GLI3: variants seen among roughly 807,000 people sequenced by gnomAD.
The protein encoded by GLI3 is transcription activator GLI3.
GLI3 carries 20 observed loss-of-function variants against 100.8 expected under a neutral mutation model. That is an observed-to-expected ratio of 0.20 (90% confidence interval 0.14 to 0.29). The LOEUF is 0.29. Ranked by LOEUF, GLI3 falls within the 10% of genes least tolerant of loss-of-function variation. The pLI is 1.00. For missense variants in GLI3, 2,040 were observed against 2,128.5 expected (o/e 0.96, Z 0.82); for synonymous variants, 938 against 860.5 (o/e 1.09, Z -1.58).
At chr7:41,978,552 G>A in intron 11 of GLI3, 47 bp downstream of exon 11, 3 of 1,592,648 alleles carry the variant, frequency 1.9e-6, no homozygotes, top group Non-Finnish European at 2.6e-6. Context: ...GCTCTTATGA[G>A]TATGGGGAAG....
At chr7:42,061,185 G>T (rs1411067365) in intron 4 of GLI3, among the ~76,000 whole-genome samples, 1 of 152,132 alleles carries the variant, frequency 6.6e-6, no homozygotes, top group Admixed American at 6.6e-5. Flanking sequence ...TCTTGGGTCT[G>T]GTGGCAGGTG....
chr7:42,039,944 T>C (rs1428358428), intron 7 of GLI3, 94 bp downstream of exon 7: 3 of 924,704 alleles, frequency 3.2e-6, no homozygotes, highest in South Asian at 2.6e-5. Flanking sequence ...TTCTTCCTCA[T>C]AGGCAGTTGG....
At chr7:42,188,697 C>T (rs1358001286) in intron 2 of GLI3, among the ~76,000 whole-genome samples, 2 of 152,078 alleles carry the variant, frequency 1.3e-5, no homozygotes, top group Non-Finnish European at 2.9e-5. Flanking sequence ...CATGAAAAGA[C>T]ATGGAGGAAA....
chr7:42,043,408 G>C (rs1784182783), intron 6 of GLI3, among the ~76,000 whole-genome samples: 6 of 152,162 alleles, frequency 3.9e-5, no homozygotes. Flanking sequence ...CTGTTGAAGG[G>C]AGCTGCTAAA....
At chr7:42,192,989 G>A (rs1254749538) in intron 2 of GLI3, among the ~76,000 whole-genome samples, 1 of 152,168 alleles carries the variant, frequency 6.6e-6, no homozygotes, top group Non-Finnish European at 1.5e-5. Context: ...AAGACTTGAT[G>A]ATTAAGAGAC....
At chr7:42,206,231 G>A (rs1788149306) in intron 2 of GLI3, among the ~76,000 whole-genome samples, 1 of 151,778 alleles carries the variant, frequency 6.6e-6, no homozygotes, top group South Asian at 2.1e-4. Flanking sequence ...TAGCACTACT[G>A]CACCCCAGCC....
chr7:42,025,131 C>T (rs1789072156), intron 9 of GLI3, 133 bp downstream of exon 9: 1 of 673,186 alleles, frequency 1.5e-6, no homozygotes, highest in African/African-American at 1.8e-5. Flanking sequence ...TAGAGTACGG[C>T]CAAGGTCAAC....
chr7:42,163,730 A>G (rs1042256371), intron 2 of GLI3, among the ~76,000 whole-genome samples: 1 of 152,110 alleles, frequency 6.6e-6, no homozygotes, highest in Non-Finnish European at 1.5e-5. Flanking sequence ...GTGCCTGGCC[A>G]TGTACCATCT....
chr7:42,064,822 C>G (rs139705114), intron 4 of GLI3, among the ~76,000 whole-genome samples: 1 of 152,174 alleles, frequency 6.6e-6, no homozygotes, highest in East Asian at 1.9e-4. Flanking sequence ...ATAAATCCTC[C>G]CTCTGTGAAG....
At chr7:42,215,751 A>G (rs1186906375) in intron 2 of GLI3, among the ~76,000 whole-genome samples, 1 of 152,204 alleles carries the variant, frequency 6.6e-6, no homozygotes, top group African/African-American at 2.4e-5. Flanking sequence ...TCCAATAGCT[A>G]AAATCCCAAC....
At chr7:42,218,968 A>C (rs1788429988) in intron 2 of GLI3, among the ~76,000 whole-genome samples, 1 of 152,230 alleles carries the variant, frequency 6.6e-6, no homozygotes, top group Non-Finnish European at 1.5e-5. Flanking sequence ...ATTGTTGAAA[A>C]AAATTTTATA....
intron 1 of GLI3, among the ~76,000 whole-genome samples, chr7:42,242,965 G>A (rs1228032953): frequency 6.6e-6 from 1 of 152,164 alleles, no homozygotes; most frequent in Non-Finnish European, 1.5e-5. Flanking sequence ...CATGAGCTTG[G>A]GAACCACAGT....
At chr7:41,986,677 G>A (rs1056453085) in intron 10 of GLI3, among the ~76,000 whole-genome samples, 1 of 151,876 alleles carries the variant, frequency 6.6e-6, no homozygotes, top group East Asian at 1.9e-4. Context: ...GAGAAATTGG[G>A]GATGACAGCA....
chr7:42,084,930 T>TTTTTTTTTTTTTTTTTTTTTTTTTTTTTC (rs1785071558), intron 3 of GLI3, among the ~76,000 whole-genome samples: 1 of 104,122 alleles, frequency 9.6e-6, no homozygotes, highest in African/African-American at 4.1e-5. Flanking sequence ...TTTTTTTTTT[T>TTTTTTTTTTTTTTTTTTTTTTTTTTTTTC]AGATTGAGTC....
At chr7:42,043,394 T>C (rs903882055) in intron 6 of GLI3, among the ~76,000 whole-genome samples, 4 of 152,208 alleles carry the variant, frequency 2.6e-5, no homozygotes, top group African/African-American at 9.6e-5. Flanking sequence ...TGATTTGGGA[T>C]ACTCTGTTGA....
In GLI3 at chr7:42,218,899, C is replaced by T. The variant is rs7803489; in HGVS notation, c.124+4231G>A. Reference sequence around the variant, plus strand: ...GAACTATCGAATTACTCCTTTAAAACGAAATCATGGGCCAAAAATGAGGCA... The same window carrying T: ...GAACTATCGAATTACTCCTTTAAAATGAAATCATGGGCCAAAAATGAGGCA... On this transcript the variant is annotated intron_variant, in intron 2 of 14. Transcript: ENST00000395925. Among the ~76,000 whole-genome samples the T allele has an allele frequency of 4.2e-3, 638 of 152,022 alleles. 4 individuals are homozygous for T. Among genetic ancestry groups the T allele is most frequent in the African/African-American group, 0.014 (579 of 41,472 alleles).
chr7:42,052,711 C>T (rs1384683114), intron 4 of GLI3, among the ~76,000 whole-genome samples: 1 of 152,044 alleles, frequency 6.6e-6, no homozygotes, highest in Non-Finnish European at 1.5e-5. Flanking sequence ...GCGATTTGTT[C>T]CCTAGCGGAG....
At chr7:42,217,286 G>C (rs899935448) in intron 2 of GLI3, among the ~76,000 whole-genome samples, 2 of 152,118 alleles carry the variant, frequency 1.3e-5, no homozygotes, top group African/African-American at 4.8e-5. Flanking sequence ...TTCAAGCCTG[G>C]CTGACCACAG....
intron 10 of GLI3, among the ~76,000 whole-genome samples, chr7:42,010,352 G>A (rs1313701771): frequency 6.6e-6 from 1 of 152,210 alleles, no homozygotes; most frequent in Non-Finnish European, 1.5e-5. Flanking sequence ...TGGGAGCTTG[G>A]AGGTTCAAGT....
Sources: gnomAD v4.1 joint callset for allele counts (sites outside exome capture counted in the v4.1 genomes callset) on GRCh38, gnomAD v4.1.1 for gene constraint, MANE v1.5 for transcripts, NCBI Gene and HGNC (gene_info 2026-07-23, HGNC 2026-07-21) for gene names.